The following SLC13A1 variants were observed in gnomAD, a reference collection of about 807,000 sequenced individuals.
SLC13A1 encodes Na(+)/sulfate cotransporter.
In SLC13A1, 65 loss-of-function variants were observed where a neutral mutation model predicts 70.0. The observed-to-expected ratio is 0.93, with a 90% CI of 0.76 to 1.14. SLC13A1 has a LOEUF of 1.14. SLC13A1 is among the 50% of genes most tolerant of loss of function. SLC13A1 has a pLI of 0.00. For synonymous variants in SLC13A1, 275 were observed against 250.5 expected (o/e 1.10, Z -0.92); for missense variants, 726 against 717.8 (o/e 1.01, Z -0.13).
chr7:123,137,806 T>C (rs1394911414), intron 7 of SLC13A1, among the ~76,000 whole-genome samples: 1 of 152,178 alleles, frequency 6.6e-6, no homozygotes, highest in Non-Finnish European at 1.5e-5. Context: ...AGTTGGTGTA[T>C]ATATGTATGG....
At position 123,184,992 on chromosome 7, in the gene SLC13A1, G is replaced by A. The variant is rs149806593; in HGVS notation, c.100-3891C>T. On this transcript the variant is annotated intron_variant, in intron 1 of 14. Coordinates refer to ENST00000194130, the MANE Select transcript of SLC13A1 (RefSeq NM_022444.4). ...TTATAATAGCCATTCTAACAAAGGT[G>A]AGATAATATCTCACTGTGGCTTTAG... Among the ~76,000 whole-genome samples, 311 of 152,158 alleles carry A rather than the reference G, an allele frequency of 2.0e-3. 3 individuals carry two copies. The highest frequency in any genetic ancestry group is 7.1e-3 in the African/African-American group (294 of 41,530).
rs562558893 is a variant in SLC13A1 at position 123,184,002 on chromosome 7, T to C, written c.100-2901A>G. Among the ~76,000 whole-genome samples, 5 of 151,760 alleles carry C rather than the reference T, an allele frequency of 3.3e-5. No homozygotes were observed. The South Asian group carries it at 1.0e-3, about 31-fold the overall frequency. ...ATAATTTCAGCTAGCTAAGGCACCA[T>C]ATCTGCATGTCTTTGATAGCTGCCT... On this transcript the variant is annotated intron_variant, in intron 1 of 14. Coordinates refer to ENST00000194130, the MANE Select transcript of SLC13A1 (RefSeq NM_022444.4).
intron 1 of SLC13A1, among the ~76,000 whole-genome samples, chr7:123,190,165 A>G (rs1448726528): frequency 6.6e-6 from 1 of 152,158 alleles, no homozygotes; most frequent in East Asian, 1.9e-4. Flanking sequence ...AGTTTATTTC[A>G]TCTTGTAGTA....
intron 10 of SLC13A1, among the ~76,000 whole-genome samples, chr7:123,128,405 A>G (rs188489930): frequency 2.0e-5 from 3 of 152,250 alleles, no homozygotes; most frequent in Admixed American, 2.0e-4. Flanking sequence ...AAATGCTATA[A>G]TTACCTCCAT....
intron 1 of SLC13A1, among the ~76,000 whole-genome samples, chr7:123,185,601 G>A (rs569617303): frequency 1.2e-4 from 18 of 152,136 alleles, no homozygotes; most frequent in Admixed American, 2.0e-4. Flanking sequence ...TAAATGTAGA[G>A]AATTATTTCT....
intron 1 of SLC13A1, among the ~76,000 whole-genome samples, chr7:123,195,594 A>C (rs1796152132): frequency 6.6e-6 from 1 of 151,752 alleles, no homozygotes; most frequent in Non-Finnish European, 1.5e-5. Flanking sequence ...TGTTTATTTT[A>C]TTTTTATATC....
intron 6 of SLC13A1, among the ~76,000 whole-genome samples, chr7:123,156,148 A>T (rs1325078015): frequency 6.6e-6 from 1 of 152,102 alleles, no homozygotes; most frequent in Non-Finnish European, 1.5e-5. Context: ...TTACCGATTT[A>T]GGATTCAGCT....
chr7:123,181,021 C>A lies in SLC13A1; in HGVS notation c.180G>T (p.Leu60Phe), dbSNP rs753509701. 5.0e-6 allele frequency: 8 copies of A among 1,612,590 alleles called. No homozygotes were observed. The highest frequency in any genetic ancestry group is 1.7e-5 in the Admixed American group (1 of 59,830). Residue 60 changes from leucine (L) to phenylalanine (F), a missense_variant, in exon 2 of 15, where the codon TTG becomes TTT. Coordinates refer to ENST00000194130, the MANE Select transcript of SLC13A1 (RefSeq NM_022444.4). ...TEALPLSVTA[L>F]LPSLMLPMFG... ...ACATGGGTAACATTAAACTAGGTAGCAAAGCTGTTACCGACAGAGGCAATG... is the reference window on the plus strand; with the variant it reads ...ACATGGGTAACATTAAACTAGGTAGAAAAGCTGTTACCGACAGAGGCAATG...
chr7:123,199,217 T>C (rs570335841), intron 1 of SLC13A1, among the ~76,000 whole-genome samples: 2 of 152,246 alleles, frequency 1.3e-5, no homozygotes, highest in African/African-American at 4.8e-5. Flanking sequence ...CTTAATGCCC[T>C]GACTACTCTT....
At chr7:123,181,234 G>A (rs1487432327) in intron 1 of SLC13A1, 133 bp from the exon 2 acceptor site, 1 of 853,072 alleles carries the variant, frequency 1.2e-6, no homozygotes, top group African/African-American at 1.7e-5. Flanking sequence ...CTGCATCTTT[G>A]AGTTGCCCTC....
At chr7:123,167,162 A>T (rs1008680644) in intron 6 of SLC13A1, among the ~76,000 whole-genome samples, 3 of 152,196 alleles carry the variant, frequency 2.0e-5, no homozygotes, top group Admixed American at 2.0e-4. Context: ...TAGAACTAGA[A>T]ATACTATTTG....
intron 7 of SLC13A1, 123 bp from the exon 8 acceptor site, chr7:123,134,652 T>C (rs1331183412): frequency 4.8e-6 from 4 of 837,440 alleles, no homozygotes; most frequent in Non-Finnish European, 7.3e-6. Context: ...AGTCCTGGAA[T>C]ATACTCATCA....
At chr7:123,135,132 T>C (rs893100738) in intron 7 of SLC13A1, among the ~76,000 whole-genome samples, 3 of 152,206 alleles carry the variant, frequency 2.0e-5, no homozygotes, top group African/African-American at 7.2e-5. Flanking sequence ...AGGTGGTGCT[T>C]TGGGGCACAG....
intron 6 of SLC13A1, among the ~76,000 whole-genome samples, chr7:123,154,268 T>C (rs947892480): frequency 7.2e-5 from 11 of 152,148 alleles, no homozygotes; most frequent in Non-Finnish European, 1.6e-4. Context: ...GGTAACCTAT[T>C]GTGTTTTTAT....
chr7:123,143,833 C>A (rs1794247322), intron 7 of SLC13A1, among the ~76,000 whole-genome samples: 1 of 152,032 alleles, frequency 6.6e-6, no homozygotes, highest in Non-Finnish European at 1.5e-5. Context: ...GAACTGTTGA[C>A]CCACAAAAAT....
intron 8 of SLC13A1, among the ~76,000 whole-genome samples, chr7:123,131,823 C>T (rs549827093): frequency 2.6e-5 from 4 of 152,256 alleles, no homozygotes; most frequent in African/African-American, 9.6e-5. Flanking sequence ...ACAGACTTTG[C>T]CTAGTGTATG....
chr7:123,134,654 T>C, intron 7 of SLC13A1, 125 bp from the exon 8 acceptor site: 2 of 807,020 alleles, frequency 2.5e-6, no homozygotes, highest in Non-Finnish European at 3.8e-6. Context: ...TCCTGGAATA[T>C]ACTCATCATT....
chr7:123,170,760 C>G (rs6969067), intron 3 of SLC13A1, among the ~76,000 whole-genome samples: 54,394 of 151,820 alleles, frequency 0.36, 10,054 homozygotes, highest in South Asian at 0.41. Context: ...TCCCGAGTAG[C>G]TGGGATTACA....
intron 3 of SLC13A1, among the ~76,000 whole-genome samples, chr7:123,169,995 A>C (rs1454531347): frequency 1.3e-5 from 2 of 152,118 alleles, no homozygotes; most frequent in African/African-American, 2.4e-5. Context: ...GACACACTAC[A>C]TTGTCTTCTT....
Sources: gnomAD v4.1 joint callset for allele counts (sites outside exome capture counted in the v4.1 genomes callset) on GRCh38, gnomAD v4.1.1 for gene constraint, MANE v1.5 for transcripts, NCBI Gene and HGNC (gene_info 2026-07-23, HGNC 2026-07-21) for gene names.